SLC7A14: variants seen among roughly 807,000 people sequenced by gnomAD.
The protein encoded by SLC7A14 is solute carrier family 7 member 14.
A neutral mutation model predicts 60.2 loss-of-function variants in SLC7A14; 37 were observed. The ratio of observed to expected loss-of-function variants is 0.61; its 90% CI spans 0.47 to 0.81. The LOEUF (loss-of-function observed/expected upper bound fraction) is 0.81, where lower values mean the gene tolerates loss of function less well. Among genes scored for constraint, SLC7A14 ranks in the 30% least tolerant of loss-of-function variants. The pLI is 0.00. For synonymous variants in SLC7A14, 399 were observed against 395.8 expected (o/e 1.01, Z -0.10); for missense variants, 886 against 982.7 (o/e 0.90, Z 1.32).
Position 170,522,881 on chromosome 3 carries a change from G to A in SLC7A14, c.304+3752C>T, listed in dbSNP as rs145243376. Reference sequence around the variant, plus strand: ...CCAAGTGATTTAAACCCATAGCCAGGGTTGAGAGTTGTTGACATTATCTCT... The same window carrying A: ...CCAAGTGATTTAAACCCATAGCCAGAGTTGAGAGTTGTTGACATTATCTCT... On this transcript the variant is annotated intron_variant, in intron 2 of 7. Coordinates refer to ENST00000231706, the MANE Select transcript of SLC7A14 (RefSeq NM_020949.3). Among the ~76,000 whole-genome samples, 260 of 152,194 alleles carry A rather than the reference G, an allele frequency of 1.7e-3. 1 individual carries two copies. Among genetic ancestry groups the A allele is most frequent in the African/African-American group, 4.9e-3 (202 of 41,520 alleles).
intron 1 of SLC7A14, among the ~76,000 whole-genome samples, chr3:170,554,498 T>C (rs1239098125): frequency 3.3e-5 from 5 of 152,204 alleles, no homozygotes. Context: ...GCTGGGTGGC[T>C]TCTCCTTCAT....
At chr3:170,474,943 C>T (rs994988068) in intron 7 of SLC7A14, among the ~76,000 whole-genome samples, 2 of 152,196 alleles carry the variant, frequency 1.3e-5, no homozygotes, top group African/African-American at 4.8e-5. Flanking sequence ...GAACAGCAGG[C>T]CCGAAGGATG....
intron 4 of SLC7A14, among the ~76,000 whole-genome samples, chr3:170,498,111 C>T (rs1027465053): frequency 2.6e-5 from 4 of 152,242 alleles, no homozygotes; most frequent in African/African-American, 9.6e-5. Context: ...CTACTGTCCC[C>T]TTTCCCTGGC....
At chr3:170,560,488 G>A (rs985080940) in intron 1 of SLC7A14, among the ~76,000 whole-genome samples, 7 of 152,084 alleles carry the variant, frequency 4.6e-5, no homozygotes, top group South Asian at 2.1e-4. Context: ...CAGAAAACAC[G>A]TGAAAAGTCC....
chr3:170,578,170 G>A (rs1468572387), intron 1 of SLC7A14, among the ~76,000 whole-genome samples: 1 of 152,242 alleles, frequency 6.6e-6, no homozygotes, highest in Non-Finnish European at 1.5e-5. Context: ...ATTTCTGGTG[G>A]TGTGGCTGGC....
At chr3:170,497,231 A>T (rs949399246) in intron 4 of SLC7A14, among the ~76,000 whole-genome samples, 1 of 152,120 alleles carries the variant, frequency 6.6e-6, no homozygotes. Flanking sequence ...TCATAAGATA[A>T]TATAGATCTG....
intron 4 of SLC7A14, among the ~76,000 whole-genome samples, chr3:170,488,019 A>G (rs1712089431): frequency 6.6e-6 from 1 of 152,238 alleles, no homozygotes; most frequent in Non-Finnish European, 1.5e-5. Context: ...AGAGGTTAAC[A>G]TATAAATCCC....
intron 1 of SLC7A14, among the ~76,000 whole-genome samples, chr3:170,573,796 A>C (rs1211036896): frequency 2.0e-5 from 3 of 152,186 alleles, no homozygotes; most frequent in Non-Finnish European, 4.4e-5. Flanking sequence ...TGCAGCCTGA[A>C]TGGCACATTT....
chr3:170,521,097 G>A (rs1448012141), intron 2 of SLC7A14, among the ~76,000 whole-genome samples: 1 of 152,256 alleles, frequency 6.6e-6, no homozygotes, highest in Non-Finnish European at 1.5e-5. Flanking sequence ...CTATTGAAGA[G>A]TAGATAAGAC....
intron 1 of SLC7A14, among the ~76,000 whole-genome samples, chr3:170,553,849 C>CTT (rs3077204): frequency 0.12 from 16,784 of 143,074 alleles, 1,131 homozygotes; most frequent in East Asian, 0.18. Context: ...GTTAAAAAAA[C>CTT]TTTTTTTTTT....
intron 2 of SLC7A14, among the ~76,000 whole-genome samples, chr3:170,507,510 T>C (rs1225504074): frequency 6.6e-6 from 1 of 151,912 alleles, no homozygotes; most frequent in Non-Finnish European, 1.5e-5. Flanking sequence ...TCTTGGAGGG[T>C]AAGCTGGGCT....
intron 1 of SLC7A14, among the ~76,000 whole-genome samples, chr3:170,541,507 G>T (rs1309208602): frequency 6.6e-6 from 1 of 152,162 alleles, no homozygotes; most frequent in African/African-American, 2.4e-5. Flanking sequence ...GACACAGGAG[G>T]ATTGCTTGAG....
At chr3:170,480,245 G>A in intron 7 of SLC7A14, 44 bp downstream of exon 7, 1 of 1,505,288 alleles carries the variant, frequency 6.6e-7, no homozygotes, top group Non-Finnish European at 8.9e-7. Flanking sequence ...GCATGCTTAA[G>A]ACCTTAAAAG....
intron 4 of SLC7A14, among the ~76,000 whole-genome samples, chr3:170,488,118 T>A (rs1712093509): frequency 6.6e-6 from 1 of 152,242 alleles, no homozygotes; most frequent in African/African-American, 2.4e-5. Context: ...ATAATTGATT[T>A]CCTTTGAATT....
intron 7 of SLC7A14, 157 bp from the exon 8 acceptor site, chr3:170,467,534 A>C (rs945669440): frequency 6.9e-5 from 40 of 581,908 alleles, no homozygotes; most frequent in Non-Finnish European, 1.0e-4. Flanking sequence ...TGTTTTGAAA[A>C]TACTTGAATT....
intron 7 of SLC7A14, 121 bp from the exon 8 acceptor site, chr3:170,467,498 G>T: frequency 1.7e-6 from 1 of 595,110 alleles, no homozygotes; most frequent in East Asian, 3.5e-5. Flanking sequence ...GTGGGGGCGG[G>T]GATGTATTTT....
intron 1 of SLC7A14, among the ~76,000 whole-genome samples, chr3:170,553,093 G>T (rs993413169): frequency 6.6e-6 from 1 of 150,852 alleles, no homozygotes; most frequent in African/African-American, 2.5e-5. Flanking sequence ...AGTGCCTTTT[G>T]GGGGGAGTTT....
chr3:170,562,886 G>A (rs943940020), intron 1 of SLC7A14, among the ~76,000 whole-genome samples: 5 of 151,974 alleles, frequency 3.3e-5, no homozygotes, highest in African/African-American at 9.7e-5. Flanking sequence ...TCAGCCTCCT[G>A]AGTAGCTGGG....
Position 170,566,432 on chromosome 3 carries a change from C to A in SLC7A14, c.-153+19479G>T, listed in dbSNP as rs186136897. 1.7e-3 allele frequency among the ~76,000 whole-genome samples: 264 copies of A among 152,314 alleles called. 1 individual carries two copies. The highest frequency in any genetic ancestry group is 6.0e-3 in the African/African-American group (248 of 41,576). ...GATTTCAGTGATATGGATGGTTAAA[C>A]ATTGCCAACAAATAGCAAAAATGGG... On this transcript the variant is annotated intron_variant, in intron 1 of 7. Coordinates refer to ENST00000231706, the MANE Select transcript of SLC7A14 (RefSeq NM_020949.3).
Sources: gnomAD v4.1 joint callset for allele counts (sites outside exome capture counted in the v4.1 genomes callset) on GRCh38, gnomAD v4.1.1 for gene constraint, MANE v1.5 for transcripts, NCBI Gene and HGNC (gene_info 2026-07-23, HGNC 2026-07-21) for gene names.